HERC4: variants seen among roughly 807,000 people sequenced by gnomAD.
HERC4 encodes HECT and RLD domain containing E3 ubiquitin protein ligase 4.
A neutral mutation model predicts 124.3 loss-of-function variants in HERC4; 28 were observed. That is an observed-to-expected ratio of 0.23 (90% CI 0.17 to 0.31). HERC4 has a LOEUF of 0.31. Ranked by LOEUF, HERC4 falls within the 10% of genes least tolerant of loss-of-function variation. The pLI is 1.00. For synonymous variants in HERC4, 407 were observed against 421.5 expected, an observed-to-expected ratio of 0.97 and a Z score of 0.42; for missense variants, 713 against 1,229.3, an observed-to-expected ratio of 0.58 and a Z score of 6.28.
At chr10:67,973,618 G>A (rs1448740342) in intron 15 of HERC4, among the ~76,000 whole-genome samples, 1 of 152,138 alleles carries the variant, frequency 6.6e-6, no homozygotes, top group Non-Finnish European at 1.5e-5. Context: ...TAGAGAGGCT[G>A]GCAATAGGAT....
At chr10:68,060,587 T>C (rs2040955833) in intron 3 of HERC4, among the ~76,000 whole-genome samples, 1 of 152,170 alleles carries the variant, frequency 6.6e-6, no homozygotes, top group Non-Finnish European at 1.5e-5. Context: ...TCTCCAATTA[T>C]ATGGTTTATG....
chr10:68,027,045 C>T (rs1161095472), intron 7 of HERC4, among the ~76,000 whole-genome samples: 3 of 152,054 alleles, frequency 2.0e-5, no homozygotes, highest in Non-Finnish European at 4.4e-5. Context: ...AATTAAATAA[C>T]TAAATTATAA....
In HERC4 at chr10:68,059,729, A is replaced by AT. The variant is rs1321138541; in HGVS notation, c.226+13153dup. ...TATATATCATAATATTATATATTATATATCATAATATTATATATTATAATA... is the reference window on the plus strand; with the variant it reads ...TATATATCATAATATTATATATTATATTATCATAATATTATATATTATAATA... On this transcript the variant is annotated intron_variant, in intron 3 of 24. Coordinates refer to ENST00000373700, the MANE Select transcript of HERC4 (RefSeq NM_015601.4). Among the ~76,000 whole-genome samples the AT allele has an allele frequency of 1.1e-4, 7 of 63,892 alleles. 1 individual carries two copies. The highest frequency in any genetic ancestry group is 5.6e-4 in the African/African-American group (4 of 7,088). 41.9% of individuals were successfully genotyped at this position (63,892 alleles called of 152,430 possible).
At chr10:67,965,632 A>C (rs1257590355) in intron 16 of HERC4, 1 of 152,118 alleles carries the variant, frequency 6.6e-6, no homozygotes, top group Non-Finnish European at 1.5e-5. Context: ...CCATTCAAAA[A>C]CTACTGTACT....
intron 19 of HERC4, among the ~76,000 whole-genome samples, chr10:67,952,387 G>A (rs1046412108): frequency 6.6e-6 from 1 of 151,902 alleles, no homozygotes; most frequent in Non-Finnish European, 1.5e-5. Context: ...GGGTTCAAGC[G>A]ATTCTCCTGC....
At chr10:68,063,827 T>C (rs1027281835) in intron 3 of HERC4, among the ~76,000 whole-genome samples, 1 of 151,508 alleles carries the variant, frequency 6.6e-6, no homozygotes, top group Admixed American at 6.6e-5. Flanking sequence ...TAATCCCAGC[T>C]ACTCAGGAGG....
At chr10:68,052,394 A>G (rs530833982) in intron 3 of HERC4, among the ~76,000 whole-genome samples, 1 of 149,406 alleles carries the variant, frequency 6.7e-6, no homozygotes, top group East Asian at 1.9e-4. Context: ...CTTATTTTTA[A>G]AACAGTTAAA....
At chr10:68,008,454 A>G (rs2037723122) in intron 9 of HERC4, among the ~76,000 whole-genome samples, 1 of 152,138 alleles carries the variant, frequency 6.6e-6, no homozygotes, top group Non-Finnish European at 1.5e-5. Flanking sequence ...TTTATTACTC[A>G]AATCAGTCTC....
intron 3 of HERC4, among the ~76,000 whole-genome samples, chr10:68,051,706 T>G: frequency 6.7e-6 from 1 of 149,900 alleles, no homozygotes; most frequent in East Asian, 2.0e-4. Context: ...TTTTTTTTTT[T>G]TGAGACAGGA....
intron 9 of HERC4, chr10:68,010,196 C>T (rs1391102277): frequency 1.9e-6 from 2 of 1,066,382 alleles, no homozygotes; most frequent in East Asian, 3.0e-5. Context: ...CCTAGAAGGG[C>T]AGGCACCTCA....
intron 5 of HERC4, among the ~76,000 whole-genome samples, chr10:68,036,217 C>G (rs1056372848): frequency 1.3e-5 from 2 of 151,316 alleles, no homozygotes; most frequent in African/African-American, 2.4e-5. Flanking sequence ...ACTAGGGAGG[C>G]TGAGGCAAGA....
In HERC4 at chr10:67,955,046, C is replaced by A. The variant is rs1239657465; in HGVS notation, c.2110G>T (p.Val704Leu). ...CCTACAATATTTTCTCTACGCACCA[C>A]TAGAATTAAGCAGGGATTCACAGAT... is the stretch of plus-strand genomic sequence containing the variant. ...IESVNPCLIL[V>L]VRRENIVGDA... The change falls in exon 18 of 25, where the codon GTG becomes TTG. Residue 704 changes from valine (V) to leucine (L), a missense_variant. Val to Leu is a conservative substitution (Grantham distance 32, BLOSUM62 1). Transcript: ENST00000373700. The A allele has an allele frequency of 2.5e-6, 4 of 1,600,514 alleles. No homozygotes were observed.
chr10:67,974,247 T>G (rs994579795), intron 15 of HERC4, among the ~76,000 whole-genome samples: 1 of 151,840 alleles, frequency 6.6e-6, no homozygotes, highest in Non-Finnish European at 1.5e-5. Flanking sequence ...AGGAGACAAC[T>G]ATAAGCTGTG....
intron 15 of HERC4, among the ~76,000 whole-genome samples, chr10:67,985,830 T>C (rs1245935978): frequency 6.6e-6 from 1 of 152,172 alleles, no homozygotes; most frequent in Non-Finnish European, 1.5e-5. Flanking sequence ...GGACATGACA[T>C]ATGGGAGGAA....
At chr10:68,019,075 C>T (rs1409786439) in intron 8 of HERC4, among the ~76,000 whole-genome samples, 4 of 148,010 alleles carry the variant, frequency 2.7e-5, no homozygotes, top group Non-Finnish European at 5.9e-5. Flanking sequence ...CGGCTCACTG[C>T]AACCTCCGCC....
chr10:68,018,114 C>G (rs1301494934), intron 8 of HERC4, among the ~76,000 whole-genome samples: 1 of 151,538 alleles, frequency 6.6e-6, no homozygotes, highest in Non-Finnish European at 1.5e-5. Context: ...CACTGATAAA[C>G]AGAAATATAA....
At chr10:67,939,743 T>C (rs1564930325) in intron 20 of HERC4, 89 bp from the exon 21 acceptor site, 4 of 501,922 alleles carry the variant, frequency 8.0e-6, no homozygotes, top group Non-Finnish European at 1.3e-5. Context: ...TATATATACT[T>C]CTCATTCCCT....
intron 3 of HERC4, among the ~76,000 whole-genome samples, chr10:68,061,359 C>T (rs1348747474): frequency 6.6e-6 from 1 of 151,300 alleles, no homozygotes; most frequent in Non-Finnish European, 1.5e-5. Flanking sequence ...TGGTGAAACC[C>T]CATCTCTACT....
intron 16 of HERC4, chr10:67,961,517 T>C (rs2034519244): frequency 6.6e-6 from 1 of 152,242 alleles, no homozygotes; most frequent in Non-Finnish European, 1.5e-5. Flanking sequence ...GATTTTAACC[T>C]ATTATCCTTT....
Sources: gnomAD v4.1 joint callset for allele counts (sites outside exome capture counted in the v4.1 genomes callset) on GRCh38, gnomAD v4.1.1 for gene constraint, MANE v1.5 for transcripts, NCBI Gene and HGNC (gene_info 2026-07-23, HGNC 2026-07-21) for gene names.